ACOXL: variants seen among roughly 807,000 people sequenced by gnomAD.
ACOXL encodes acyl-coenzyme A oxidase-like protein.
A neutral mutation model predicts 71.9 loss-of-function variants in ACOXL; 70 were observed. The observed-to-expected ratio is 0.97, with a 90% confidence interval of 0.80 to 1.19. ACOXL has a LOEUF of 1.19. Among genes scored for constraint, ACOXL ranks in the 50% most tolerant of loss-of-function variants. The pLI is 0.00. For missense variants in ACOXL, 703 were observed against 736.3 expected (o/e 0.95, Z 0.52); for synonymous variants, 253 against 281.6 (o/e 0.90, Z 1.02).
chr2:111,115,774 C>A (rs916006773), intron 17 of ACOXL, among the ~76,000 whole-genome samples: 4 of 152,346 alleles, frequency 2.6e-5, no homozygotes, highest in African/African-American at 9.6e-5. Context: ...TGGCAGTCAA[C>A]TCCTCTTCAC....
At chr2:110,783,336 C>T (rs1683567318) in intron 2 of ACOXL, among the ~76,000 whole-genome samples, 1 of 152,168 alleles carries the variant, frequency 6.6e-6, no homozygotes, top group Admixed American at 6.5e-5. Context: ...TGAGCTGAAG[C>T]TGGAGCCATG....
At chr2:111,003,339 G>A (rs1449759732) in intron 14 of ACOXL, among the ~76,000 whole-genome samples, 2 of 151,886 alleles carry the variant, frequency 1.3e-5, no homozygotes, top group Non-Finnish European at 2.9e-5. Flanking sequence ...CACGAGGTCA[G>A]GAATTGGAAA....
chr2:110,885,013 G>C (rs1321782657), intron 10 of ACOXL, among the ~76,000 whole-genome samples: 1 of 152,142 alleles, frequency 6.6e-6, no homozygotes, highest in Non-Finnish European at 1.5e-5. Flanking sequence ...AAGAAGCCAT[G>C]GAAGTTACTG....
chr2:111,043,541 A>G (rs930017203), intron 15 of ACOXL, among the ~76,000 whole-genome samples: 15 of 152,118 alleles, frequency 9.9e-5, no homozygotes, highest in African/African-American at 3.4e-4. Flanking sequence ...CAGTGGGCGC[A>G]GTGTCCCACC....
chr2:110,850,033 G>A (rs947796795), intron 10 of ACOXL, among the ~76,000 whole-genome samples: 5 of 152,164 alleles, frequency 3.3e-5, no homozygotes, highest in African/African-American at 4.8e-5. Context: ...TTAAATAAAT[G>A]GAGCAATTGG....
chr2:110,929,346 T>C (rs944296189), intron 11 of ACOXL, among the ~76,000 whole-genome samples: 4 of 152,156 alleles, frequency 2.6e-5, no homozygotes, highest in African/African-American at 9.7e-5. Context: ...GCCCTAGAGA[T>C]GTGTGGAACT....
chr2:110,968,505 T>C, intron 12 of ACOXL: 1 of 1,309,192 alleles, frequency 7.6e-7, no homozygotes, highest in South Asian at 1.2e-5. Context: ...AACAGTTCTC[T>C]CAATACACAA....
At chr2:110,890,012 T>C (rs2149139197) in intron 10 of ACOXL, among the ~76,000 whole-genome samples, 1 of 152,332 alleles carries the variant, frequency 6.6e-6, no homozygotes, top group Non-Finnish European at 1.5e-5. Context: ...GGATGTGCAG[T>C]AGTATCTGAT....
chr2:111,008,908 C>T lies in ACOXL; in HGVS notation c.1281+12904C>T, dbSNP rs753773699. ...TTTTAATATGTTTTCAATGTATTGT[C>T]TGCTCATATTATTTTCCCATTTTTC... On this transcript the variant is annotated intron_variant, in intron 14 of 17. Transcript: ENST00000439055. Among the ~76,000 whole-genome samples the T allele has an allele frequency of 2.1e-4, 32 of 152,184 alleles. 1 individual carries two copies. In the Middle Eastern group the frequency reaches 0.01, roughly 49 times the overall value.
chr2:111,062,453 C>T (rs1404319538), intron 16 of ACOXL, among the ~76,000 whole-genome samples: 1 of 152,070 alleles, frequency 6.6e-6, no homozygotes, highest in Admixed American at 6.5e-5. Context: ...TCTTAACACC[C>T]TTAGCATATA....
intron 13 of ACOXL, among the ~76,000 whole-genome samples, 197 bp from the exon 14 acceptor site, chr2:110,995,696 A>C (rs1260064868): frequency 6.6e-6 from 1 of 152,144 alleles, no homozygotes; most frequent in Non-Finnish European, 1.5e-5. Flanking sequence ...ACAACCACCT[A>C]GAATAAACTA....
chr2:110,747,342 C>G (rs960018705), intron 1 of ACOXL, among the ~76,000 whole-genome samples: 1 of 152,116 alleles, frequency 6.6e-6, no homozygotes. Context: ...AAACAAGGAG[C>G]CTGCAAGCCA....
At chr2:110,861,925 G>T (rs886662425) in intron 10 of ACOXL, among the ~76,000 whole-genome samples, 3 of 152,188 alleles carry the variant, frequency 2.0e-5, no homozygotes, top group African/African-American at 7.2e-5. Context: ...TCGTGAGACT[G>T]GGGGAGCTGT....
At chr2:110,777,234 T>C (rs1242130289) in intron 2 of ACOXL, among the ~76,000 whole-genome samples, 1 of 152,078 alleles carries the variant, frequency 6.6e-6, no homozygotes. Context: ...GGGATCCCCA[T>C]GGCATGGGTG....
chr2:110,760,441 G>T (rs1680254211), intron 1 of ACOXL, among the ~76,000 whole-genome samples: 1 of 152,234 alleles, frequency 6.6e-6, no homozygotes, highest in Non-Finnish European at 1.5e-5. Context: ...ACCGCACCCA[G>T]CCAATATTAT....
At chr2:111,094,203 TG>T (rs2068687788) in intron 17 of ACOXL, 1 of 152,226 alleles carries the variant, frequency 6.6e-6, no homozygotes, top group Non-Finnish European at 1.5e-5. Context: ...CAGACTACAG[TG>T]GACCCTGGAG....
intron 16 of ACOXL, among the ~76,000 whole-genome samples, chr2:111,079,446 A>T (rs2067780559): frequency 6.6e-6 from 1 of 152,194 alleles, no homozygotes; most frequent in Non-Finnish European, 1.5e-5. Context: ...AACATTTCGT[A>T]AACAACTTTC....
intron 10 of ACOXL, among the ~76,000 whole-genome samples, chr2:110,871,587 G>A (rs1695283727): frequency 1.3e-5 from 2 of 152,106 alleles, no homozygotes; most frequent in Admixed American, 6.5e-5. Context: ...CTGTGTGGAA[G>A]AATGAAAGGG....
intron 12 of ACOXL, among the ~76,000 whole-genome samples, chr2:110,945,909 T>C (rs62159558): frequency 1.3e-5 from 2 of 152,182 alleles, no homozygotes; most frequent in East Asian, 3.9e-4. Context: ...TTCATAGGAA[T>C]AGCGTTGAAT....
Sources: gnomAD v4.1 joint callset for allele counts (sites outside exome capture counted in the v4.1 genomes callset) on GRCh38, gnomAD v4.1.1 for gene constraint, MANE v1.5 for transcripts, NCBI Gene and HGNC (gene_info 2026-07-23, HGNC 2026-07-21) for gene names.